The following ARHGAP17 variants were observed in gnomAD, a reference collection of about 807,000 sequenced individuals.
ARHGAP17 encodes rho GTPase-activating protein 17.
ARHGAP17 carries 57 observed loss-of-function variants against 99.5 expected under a neutral mutation model. That is an observed-to-expected ratio of 0.57 (90% CI 0.46 to 0.71). The LOEUF is 0.71. Among genes scored for constraint, ARHGAP17 ranks in the 30% least tolerant of loss-of-function variants. The pLI is 0.00. For synonymous variants in ARHGAP17, 417 were observed against 429.6 expected, an observed-to-expected ratio of 0.97 and a Z score of 0.36; for missense variants, 1,000 against 1,122.4, an observed-to-expected ratio of 0.89 and a Z score of 1.56.
At chr16:24,997,434 C>A (rs1449070823) in intron 1 of ARHGAP17, among the ~76,000 whole-genome samples, 1 of 152,234 alleles carries the variant, frequency 6.6e-6, no homozygotes, top group Admixed American at 6.5e-5. Context: ...TAGTGCAAGG[C>A]ACCCAGTATA....
At chr16:24,963,219 T>C (rs907221058) in intron 7 of ARHGAP17, among the ~76,000 whole-genome samples, 2 of 152,254 alleles carry the variant, frequency 1.3e-5, no homozygotes, top group African/African-American at 4.8e-5. Flanking sequence ...GAAGCATTTA[T>C]CTGAATATCA....
intron 11 of ARHGAP17, 75 bp from the exon 12 acceptor site, chr16:24,952,445 A>G: frequency 8.6e-7 from 1 of 1,168,292 alleles, no homozygotes; most frequent in East Asian, 2.4e-5. Flanking sequence ...TATTTTGCAA[A>G]TTGAAATGAT....
Position 24,931,216 on chromosome 16 carries a change from G to A in ARHGAP17, c.2083C>T (p.Leu695Phe), listed in dbSNP as rs1454811062. ...CTGGAGTACCTCCGGGGTGCTGAGA[G>A]CTGGGAGGGGGCGGAGGGCTGGCCT... ...PPGQPSAPSQ[L>F]SAPRRYSSSL... is the part of the protein sequence containing the mutation. The change falls in exon 19 of 20, where the codon CTC becomes TTC. Residue 695 changes from leucine to phenylalanine, a missense_variant. Leu to Phe is a conservative substitution (Grantham distance 22, BLOSUM62 0). Around this residue, in one of 2 missense-constraint regions of ARHGAP17, gnomAD observed 528 missense variants for 511.4 expected, o/e 1.03. Transcript: ENST00000289968. 13 of 1,567,210 alleles carry A rather than the reference G, an allele frequency of 8.3e-6. No homozygotes were observed. In the South Asian group the frequency reaches 1.3e-4, roughly 16 times the overall value.
intron 1 of ARHGAP17, among the ~76,000 whole-genome samples, chr16:25,001,128 G>A (rs1484783358): frequency 3.3e-5 from 5 of 152,028 alleles, no homozygotes; most frequent in African/African-American, 1.2e-4. Context: ...AATTAAATAA[G>A]GGATGAAAAA....
At chr16:25,006,647 A>G (rs1055512893) in intron 1 of ARHGAP17, among the ~76,000 whole-genome samples, 1 of 152,140 alleles carries the variant, frequency 6.6e-6, no homozygotes, top group Non-Finnish European at 1.5e-5. Flanking sequence ...TGCAGGCCAT[A>G]TGGGTCACTG....
chr16:24,954,472 T>C, intron 10 of ARHGAP17, 131 bp downstream of exon 10: 2 of 1,299,150 alleles, frequency 1.5e-6, no homozygotes, highest in Non-Finnish European at 2.1e-6. Flanking sequence ...TGAAAGCCAC[T>C]GTTCTACACA....
intron 14 of ARHGAP17, among the ~76,000 whole-genome samples, chr16:24,946,803 C>A (rs2051486105): frequency 6.6e-6 from 1 of 152,222 alleles, no homozygotes; most frequent in Non-Finnish European, 1.5e-5. Context: ...ACTGCCCTAG[C>A]CCATGCTCCT....
intron 19 of ARHGAP17, chr16:24,920,588 G>A (rs2050695654): frequency 3.9e-6 from 1 of 255,876 alleles, no homozygotes; most frequent in Non-Finnish European, 7.8e-6. Flanking sequence ...TAATGCATGA[G>A]ATGAACCCTC....
chr16:24,963,424 C>T (rs2052073468), intron 7 of ARHGAP17, among the ~76,000 whole-genome samples: 2 of 151,508 alleles, frequency 1.3e-5, no homozygotes, highest in East Asian at 3.9e-4. Context: ...CCTAAATGAA[C>T]TAAAATATAA....
At chr16:24,932,153 G>A (rs1232881198) in intron 18 of ARHGAP17, among the ~76,000 whole-genome samples, 2 of 151,506 alleles carry the variant, frequency 1.3e-5, no homozygotes, top group East Asian at 3.9e-4. Flanking sequence ...CTAGCCCAAT[G>A]TTGACTTCTG....
At chr16:24,942,380 G>C in intron 15 of ARHGAP17, among the ~76,000 whole-genome samples, 1 of 152,142 alleles carries the variant, frequency 6.6e-6, no homozygotes, top group East Asian at 1.9e-4. Context: ...ACACACTTTT[G>C]TGCTTTCTCT....
intron 7 of ARHGAP17, among the ~76,000 whole-genome samples, chr16:24,961,623 G>A (rs961607962): frequency 1.2e-4 from 17 of 142,106 alleles, no homozygotes; most frequent in Admixed American, 3.8e-4. Context: ...CTCCATCTCC[G>A]GGGTTCAAGC....
At chr16:24,958,861 G>C (rs1196329888) in intron 9 of ARHGAP17, among the ~76,000 whole-genome samples, 1 of 152,146 alleles carries the variant, frequency 6.6e-6, no homozygotes, top group Non-Finnish European at 1.5e-5. Flanking sequence ...CTGCAGAGGA[G>C]CATAAGCTCC....
intron 12 of ARHGAP17, among the ~76,000 whole-genome samples, chr16:24,950,709 C>T (rs550892651): frequency 6.6e-5 from 10 of 151,720 alleles, no homozygotes; most frequent in South Asian, 2.1e-4. Context: ...TGGTGGTGTG[C>T]GCCTGTAATC....
intron 9 of ARHGAP17, 185 bp from the exon 10 acceptor site, chr16:24,954,915 C>T (rs2051760844): frequency 3.7e-6 from 3 of 809,560 alleles, no homozygotes; most frequent in Middle Eastern, 3.3e-4. Context: ...ATGGACCAGG[C>T]TGGGGCGGTT....
intron 1 of ARHGAP17, among the ~76,000 whole-genome samples, chr16:24,987,144 T>G (rs1392440751): frequency 6.6e-6 from 1 of 152,208 alleles, no homozygotes; most frequent in African/African-American, 2.4e-5. Context: ...ACTGTCTCTA[T>G]GTAATGACTC....
chr16:25,011,112 T>C (rs2053632750), intron 1 of ARHGAP17, among the ~76,000 whole-genome samples: 1 of 152,194 alleles, frequency 6.6e-6, no homozygotes, highest in African/African-American at 2.4e-5. Context: ...AAAAACACCA[T>C]TGGTGATGAT....
At position 24,935,566 on chromosome 16, in the gene ARHGAP17, C is replaced by T; in HGVS notation, c.1798G>A (p.Gly600Ser). The T allele has an allele frequency of 1.2e-6, 2 of 1,614,136 alleles. No homozygotes were observed. Among genetic ancestry groups the T allele is most frequent in the Non-Finnish European group, 1.7e-6 (2 of 1,180,040 alleles). The stretch of plus-strand genomic sequence containing the variant: ...GCAGCTGCCTGGGGCTGATTTTGGC[C>T]AGATGCTATCTGACTGTTGTTTCTC... ...PGRNNSQIAS[G>S]QNQPQAAAGS... The change falls in exon 18 of 20, where the codon GGC (glycine) becomes AGC (serine). Residue 600 changes from glycine to serine, a missense_variant. Transcript: ENST00000289968.
intron 7 of ARHGAP17, 114 bp from the exon 8 acceptor site, chr16:24,960,093 T>A: frequency 1.0e-6 from 1 of 980,442 alleles, no homozygotes. Context: ...GCACCACAGA[T>A]TAAATGTCCA....
Sources: allele counts gnomAD v4.1 joint callset (sites outside exome capture counted in the v4.1 genomes callset), GRCh38; gene constraint gnomAD v4.1.1; regional missense constraint gnomAD v4.1.1; transcripts MANE v1.5; gene names NCBI Gene and HGNC (gene_info 2026-07-23, HGNC 2026-07-21).